Variants in PZP observed in about 807,000 individuals in gnomAD.
The protein encoded by PZP is PZP alpha-2-macroglobulin like, also known as pregnancy zone protein.
Under a neutral mutation model 179.8 loss-of-function variants are expected in PZP, and 150 were observed. That is an observed-to-expected ratio of 0.83 (90% CI 0.73 to 0.96). The LOEUF (loss-of-function observed/expected upper bound fraction) is 0.96, where lower values mean the gene tolerates loss of function less well. PZP is among the 40% of genes least tolerant of loss of function. The pLI is 0.00. For synonymous variants in PZP, 624 were observed against 652.3 expected (o/e 0.96, Z 0.66); for missense variants, 1,689 against 1,764.0 (o/e 0.96, Z 0.76).
In PZP at chr12:9,201,069, A is replaced by G; in HGVS notation, c.502-9T>C. 2 of 1,613,558 alleles carry G rather than the reference A, an allele frequency of 1.2e-6. No individual in the cohort carries two copies. Among genetic ancestry groups the G allele is most frequent in the Non-Finnish European group, 1.7e-6 (2 of 1,179,780 alleles). ...CGATTTCTTCTTGGGTTCTGAAGGGAAACAAGAAACATGGGCGGTAATCAT... is the reference window on the plus strand; with the variant it reads ...CGATTTCTTCTTGGGTTCTGAAGGGGAACAAGAAACATGGGCGGTAATCAT... On this transcript the variant is annotated splice_polypyrimidine_tract_variant and intron_variant, in intron 5 of 35. Coordinates refer to ENST00000261336, the MANE Select transcript of PZP (RefSeq NM_002864.3).
intron 1 of PZP, among the ~76,000 whole-genome samples, chr12:9,207,663 G>A (rs536496801): frequency 2.6e-5 from 4 of 152,210 alleles, no homozygotes; most frequent in Non-Finnish European, 5.9e-5. Flanking sequence ...GGAGAACTTT[G>A]AGACCAAGGA....
chr12:9,193,883 ATCAGGCACTTCTG>A lies in PZP; in HGVS notation c.1254+181_1254+193del, dbSNP rs1474347619. ...TGTTACAGATAATGATAGTGAAATT[ATCAGGCACTTCTG>A]CAGTGCCTTTTCTAATGCCTTTATT... On this transcript the variant is annotated intron_variant, in intron 11 of 35. Transcript: ENST00000261336. Among the ~76,000 whole-genome samples, 170 of 152,380 alleles carry A rather than the reference ATCAGGCACTTCTG, an allele frequency of 1.1e-3. 4 individuals carry two copies. In the East Asian group the frequency reaches 0.021, roughly 19 times the overall value.
At chr12:9,155,708 A>G (rs1017541091) in intron 28 of PZP, among the ~76,000 whole-genome samples, 3 of 152,138 alleles carry the variant, frequency 2.0e-5, no homozygotes, top group Admixed American at 6.5e-5. Flanking sequence ...GACAACCTCT[A>G]TGACATTTTT....
chr12:9,202,286 C>G, intron 4 of PZP, 33 bp downstream of exon 4: 1 of 1,583,228 alleles, frequency 6.3e-7, no homozygotes, highest in Non-Finnish European at 8.7e-7. Flanking sequence ...CCCACTCTAC[C>G]CACAACCCAA....
intron 15 of PZP, among the ~76,000 whole-genome samples, chr12:9,179,171 A>G (rs536489210): frequency 1.6e-3 from 250 of 152,340 alleles, no homozygotes; most frequent in Admixed American, 3.7e-3. Flanking sequence ...TAAATAGGTT[A>G]GACAAGTAGT....
chr12:9,197,051 A>G lies in PZP; in HGVS notation c.828T>C (p.Asn276=), dbSNP rs1565663748. The G allele has an allele frequency of 2.5e-6, 4 of 1,613,640 alleles. No individual in the cohort carries two copies. The highest frequency in any genetic ancestry group is 1.7e-5 in the Admixed American group (1 of 59,986). The change falls in exon 8 of 36, where the codon AAT becomes AAC. Residue 276 remains asparagine, a synonymous_variant. Coordinates refer to ENST00000261336, the MANE Select transcript of PZP (RefSeq NM_002864.3). ...CCTCACAGACCTCCTGCTTGTCACAATTAAGAACACGAGATAATTTTCTAC... is the reference window on the plus strand; with the variant it reads ...CCTCACAGACCTCCTGCTTGTCACAGTTAAGAACACGAGATAATTTTCTAC... ...SLCRKLSRVL[N]CDKQEVCEEF...
intron 15 of PZP, chr12:9,169,819 T>C (rs1203583077): frequency 2.6e-6 from 1 of 380,372 alleles, no homozygotes; most frequent in African/African-American, 2.1e-5. Context: ...AAATCTTAAG[T>C]TATGAAGGAT....
At position 9,170,905 on chromosome 12, in the gene PZP, C is replaced by T. The variant is rs1941948626; in HGVS notation, c.1840-1314G>A. ...TCTGCCATCTCTGCAGTTTGGTTGACTCTGCCACTCCAACCTGCTGGCTTT... is the reference window on the plus strand; with the variant it reads ...TCTGCCATCTCTGCAGTTTGGTTGATTCTGCCACTCCAACCTGCTGGCTTT... On this transcript the variant is annotated intron_variant, in intron 15 of 35. Transcript: ENST00000261336. This position sits in a 1 kb window ranked among gnomAD's most constrained non-coding sequence, Gnocchi z 4.6. Among the ~76,000 whole-genome samples, 2 of 152,194 alleles carry T rather than the reference C, an allele frequency of 1.3e-5. No homozygotes were observed. Among genetic ancestry groups the T allele is most frequent in the African/African-American group, 4.8e-5 (2 of 41,456 alleles).
intron 28 of PZP, among the ~76,000 whole-genome samples, chr12:9,155,647 A>G (rs1041140487): frequency 3.9e-5 from 6 of 152,094 alleles, no homozygotes; most frequent in African/African-American, 1.2e-4. Context: ...TTAAATATGT[A>G]CTAAACTAAA....
At chr12:9,200,724 A>T (rs1376794893) in intron 6 of PZP, among the ~76,000 whole-genome samples, 168 bp downstream of exon 6, 1 of 152,240 alleles carries the variant, frequency 6.6e-6, no homozygotes, top group Admixed American at 6.5e-5. Flanking sequence ...ACTGAAAATC[A>T]GCAAGCTCTT....
At position 9,152,910 on chromosome 12, in the gene PZP, G is replaced by A. The variant is rs144032013; in HGVS notation, c.4035C>T (p.Ser1345=). Reference sequence around the variant, plus strand: ...CAGTCTGCACTTTTAAAGCAAATGGGGAGTCCTCTTTCTCTGGAAGAATAT... The same window carrying A: ...CAGTCTGCACTTTTAAAGCAAATGGAGAGTCCTCTTTCTCTGGAAGAATAT... ...KYNILPEKED[S]PFALKVQTVP... is the part of the protein sequence containing the mutation. Residue 1345 remains serine (S), a synonymous_variant, in exon 31 of 36, where the codon TCC becomes TCT. Coordinates refer to ENST00000261336, the MANE Select transcript of PZP (RefSeq NM_002864.3). 1.9e-6 allele frequency: 3 copies of A among 1,614,070 alleles called. No homozygotes were observed. Among genetic ancestry groups the A allele is most frequent in the Non-Finnish European group, 2.5e-6 (3 of 1,179,996 alleles).
chr12:9,188,059 G>A (rs974607015), intron 13 of PZP, among the ~76,000 whole-genome samples: 2 of 152,158 alleles, frequency 1.3e-5, no homozygotes, highest in African/African-American at 2.4e-5. Flanking sequence ...GAACATTGAT[G>A]CAAAAATCCT....
chr12:9,161,126 C>G lies in PZP; in HGVS notation c.2789-10G>C. The G allele has an allele frequency of 6.5e-7, 1 of 1,540,472 alleles. No individual in the cohort carries two copies. The highest frequency in any genetic ancestry group is 8.9e-7 in the Non-Finnish European group (1 of 1,125,130). Reference sequence around the variant, plus strand: ...TCAGACACATTAGCACCTTTAGAAACAGACAGCCCATGTTAAAGGAGGACA... The same window carrying G: ...TCAGACACATTAGCACCTTTAGAAAGAGACAGCCCATGTTAAAGGAGGACA... On this transcript the variant is annotated splice_polypyrimidine_tract_variant and intron_variant, in intron 22 of 35. Transcript: ENST00000261336.
intron 17 of PZP, chr12:9,167,620 A>G (rs958841099): frequency 5.9e-5 from 9 of 152,204 alleles, no homozygotes; most frequent in Admixed American, 5.2e-4. Flanking sequence ...GTTCTTATCA[A>G]GAAATTTCAC....
rs764270242 is a variant in PZP, at chr12:9,194,127, G to A, written c.1204C>T (p.Gln402Ter). 3.1e-6 allele frequency: 5 copies of A among 1,614,000 alleles called. No homozygotes were observed. Among genetic ancestry groups the A allele is most frequent in the East Asian group, 4.5e-5 (2 of 44,856 alleles). ...ATACTGGTAGTATTGATTGAAAACT[G>A]TGCAAGACCCTGCTCATTGGTGGTT... ...NATTNEQGLA[Q>*]FSINTTSISV... Residue 402 changes from glutamine (Q) to a stop codon, truncating the protein, a stop_gained, in exon 11 of 36, where the codon CAG becomes TAG. Coordinates refer to ENST00000261336, the MANE Select transcript of PZP (RefSeq NM_002864.3). LOFTEE classifies it high-confidence loss of function.
rs760662884 is a variant in PZP at position 9,157,821 on chromosome 12, C to T, written c.3315G>A (p.Ala1105=). Residue 1105 remains alanine (A), a synonymous_variant, in exon 27 of 36, where the codon GCG becomes GCA. Transcript: ENST00000261336. Reference sequence around the variant, plus strand: ...CAATAGTAACATAGGCGGAGAGGGTCGCTTCATCTTCTACACCTCCCTGTG... The same window carrying T: ...CAATAGTAACATAGGCGGAGAGGGTTGCTTCATCTTCTACACCTCCCTGTG... ...NAIKGGVEDE[A]TLSAYVTIAL... is the part of the protein sequence containing the mutation. The T allele has an allele frequency of 1.9e-5, 30 of 1,613,818 alleles. No homozygotes were observed. Among genetic ancestry groups the T allele is most frequent in the Admixed American group, 3.3e-5 (2 of 60,004 alleles).
At chr12:9,142,357 T>A in the PZP span, among the ~76,000 whole-genome samples, 6 of 152,226 alleles carry the variant, frequency 3.9e-5, no homozygotes, top group Non-Finnish European at 7.3e-5. Flanking sequence ...GGCTGAGTTA[T>A]AGTTTTGTAG....
chr12:9,186,076 G>A (rs961610402), intron 13 of PZP, among the ~76,000 whole-genome samples: 1 of 151,978 alleles, frequency 6.6e-6, no homozygotes, highest in Non-Finnish European at 1.5e-5. Context: ...AAAGTGCTGG[G>A]ATTACAGGTA....
intron 2 of PZP, among the ~76,000 whole-genome samples, chr12:9,202,988 T>C (rs989342651): frequency 1.3e-5 from 2 of 152,154 alleles, no homozygotes; most frequent in Non-Finnish European, 2.9e-5. Context: ...TGAAAAAATA[T>C]GGGAGAGCAT....
Sources: allele counts gnomAD v4.1 joint callset (sites outside exome capture counted in the v4.1 genomes callset), GRCh38; gene constraint gnomAD v4.1.1; non-coding constraint Gnocchi (gnomAD v3.1); transcripts MANE v1.5; gene names NCBI Gene and HGNC (gene_info 2026-07-23, HGNC 2026-07-21).